Variants in TBC1D5 observed in about 807,000 individuals in gnomAD.
TBC1D5 encodes the protein TBC1 domain family, member 5.
A neutral mutation model predicts 100.3 loss-of-function variants in TBC1D5; 75 were observed. That is an observed-to-expected ratio of 0.75 (90% confidence interval 0.62 to 0.91). The LOEUF (loss-of-function observed/expected upper bound fraction) is 0.91, where lower values mean the gene tolerates loss of function less well. Among genes scored for constraint, TBC1D5 ranks in the 40% least tolerant of loss-of-function variants. The pLI, the probability that TBC1D5 is intolerant of heterozygous loss-of-function variation, is 0.00. For missense variants in TBC1D5, 910 were observed against 942.4 expected, an observed-to-expected ratio of 0.97 and a Z score of 0.45; for synonymous variants, 323 against 325.6, an observed-to-expected ratio of 0.99 and a Z score of 0.09.
chr3:17,511,668 AT>A (rs1334350796), intron 2 of TBC1D5, among the ~76,000 whole-genome samples: 1 of 152,046 alleles, frequency 6.6e-6, no homozygotes, highest in Non-Finnish European at 1.5e-5. Flanking sequence ...TCAAGAAGTC[AT>A]TTAGTTAATT....
At chr3:17,510,853 T>C (rs1471811018) in intron 2 of TBC1D5, among the ~76,000 whole-genome samples, 1 of 152,032 alleles carries the variant, frequency 6.6e-6, no homozygotes, top group Admixed American at 6.6e-5. Flanking sequence ...GTCAATTTTA[T>C]TTTCATTTTA....
At chr3:17,341,683 G>A (rs938509023) in intron 13 of TBC1D5, among the ~76,000 whole-genome samples, 1 of 152,080 alleles carries the variant, frequency 6.6e-6, no homozygotes, top group Admixed American at 6.5e-5. Context: ...TTTAAATATA[G>A]TAACACTTTT....
intron 8 of TBC1D5, among the ~76,000 whole-genome samples, chr3:17,386,490 A>T (rs1231439294): frequency 6.6e-6 from 1 of 152,120 alleles, no homozygotes; most frequent in Non-Finnish European, 1.5e-5. Context: ...GTTCAGCCTA[A>T]AGGTTTCTTT....
At chr3:17,445,124 C>T (rs2094756179) in intron 3 of TBC1D5, among the ~76,000 whole-genome samples, 1 of 152,168 alleles carries the variant, frequency 6.6e-6, no homozygotes, top group Admixed American at 6.5e-5. Flanking sequence ...GACCATATTT[C>T]ACATCTAGTT....
intron 15 of TBC1D5, 132 bp downstream of exon 15, chr3:17,291,763 T>C (rs2081768116): frequency 5.1e-6 from 4 of 782,816 alleles, no homozygotes; most frequent in Non-Finnish European, 4.0e-6. Context: ...CCTACAACTT[T>C]AGGCAAATGC....
chr3:17,723,054 A>C (rs1304669880), intron 1 of TBC1D5, among the ~76,000 whole-genome samples: 1 of 152,120 alleles, frequency 6.6e-6, no homozygotes, highest in African/African-American at 2.4e-5. Flanking sequence ...TTCAGTACAA[A>C]AAATAGTTCT....
chr3:17,392,389 T>C (rs2093377315), intron 8 of TBC1D5, among the ~76,000 whole-genome samples: 1 of 152,020 alleles, frequency 6.6e-6, no homozygotes. Flanking sequence ...ATTATACTTT[T>C]AAGTTCCGGG....
At chr3:17,562,252 T>A (rs528798627) in intron 2 of TBC1D5, 18 of 152,150 alleles carry the variant, frequency 1.2e-4, no homozygotes, top group African/African-American at 4.1e-4. Context: ...CCACAAATAG[T>A]ATTTATAATG....
intron 13 of TBC1D5, among the ~76,000 whole-genome samples, chr3:17,349,139 C>A (rs1036578953): frequency 6.6e-6 from 1 of 152,198 alleles, no homozygotes. Context: ...TCTATACATA[C>A]ATGAGGAATT....
chr3:17,525,580 T>A lies in TBC1D5; in HGVS notation c.-35-16975A>T, dbSNP rs563631701. 2.8e-3 allele frequency among the ~76,000 whole-genome samples: 426 copies of A among 152,264 alleles called. 3 individuals carry two copies. The highest frequency in any genetic ancestry group is 5.3e-3 in the Non-Finnish European group (358 of 68,024). On this transcript the variant is annotated intron_variant, in intron 2 of 21. Coordinates refer to ENST00000253692, the Ensembl canonical transcript of TBC1D5. ...TATTACATTACTTTATAAAGCTTACTACTGTTCAGAAAAAATCCATATTGG... is the reference window on the plus strand; with the variant it reads ...TATTACATTACTTTATAAAGCTTACAACTGTTCAGAAAAAATCCATATTGG...
intron 3 of TBC1D5, among the ~76,000 whole-genome samples, chr3:17,490,714 T>C (rs2095629787): frequency 1.3e-5 from 2 of 152,212 alleles, no homozygotes; most frequent in South Asian, 4.1e-4. Context: ...TTGGTTACTG[T>C]AGCTTTGTAG....
intron 2 of TBC1D5, among the ~76,000 whole-genome samples, chr3:17,538,248 A>G (rs1305611237): frequency 6.6e-6 from 1 of 152,100 alleles, no homozygotes; most frequent in Non-Finnish European, 1.5e-5. Flanking sequence ...CAGCGCCAGG[A>G]AAAGATAGTC....
At chr3:17,668,650 T>C (rs1229993601) in intron 1 of TBC1D5, among the ~76,000 whole-genome samples, 1 of 152,172 alleles carries the variant, frequency 6.6e-6, no homozygotes, top group Non-Finnish European at 1.5e-5. Flanking sequence ...CATAGGCCAC[T>C]TCCAGTGAGC....
At chr3:17,533,120 C>T (rs1464815940) in intron 2 of TBC1D5, among the ~76,000 whole-genome samples, 3 of 150,908 alleles carry the variant, frequency 2.0e-5, no homozygotes, top group Non-Finnish European at 4.4e-5. Flanking sequence ...CAATTAGTTA[C>T]CTAAACTATT....
chr3:17,690,768 C>G (rs2071033086), intron 1 of TBC1D5, among the ~76,000 whole-genome samples: 1 of 152,138 alleles, frequency 6.6e-6, no homozygotes. Context: ...GGAACAGTTT[C>G]ATCCGAAAAC....
intron 2 of TBC1D5, among the ~76,000 whole-genome samples, chr3:17,593,826 T>C (rs2060392057): frequency 5.3e-5 from 8 of 152,164 alleles, no homozygotes; most frequent in Admixed American, 5.2e-4. Flanking sequence ...CAACGCCAAC[T>C]AGGTGACAAT....
chr3:17,461,702 C>G (rs2149936874), intron 3 of TBC1D5, among the ~76,000 whole-genome samples: 1 of 152,128 alleles, frequency 6.6e-6, no homozygotes, highest in African/African-American at 2.4e-5. Context: ...TAATTCAAAT[C>G]TAAACTCCCT....
At position 17,203,158 on chromosome 3, in the gene TBC1D5, T is replaced by A. The variant is rs543968326; in HGVS notation, c.1752+11049A>T. Among the ~76,000 whole-genome samples the A allele has an allele frequency of 3.9e-5, 6 of 152,306 alleles. No individual in the cohort carries two copies. In the South Asian group the frequency reaches 1.0e-3, roughly 26 times the overall value. ...AGGCCTTGGAAGCCCACCCCTTGCA[T>A]GAGTGTTGTCTGGATGTCAGACATG... On this transcript the variant is annotated intron_variant, in intron 18 of 21. Transcript: ENST00000253692.
At chr3:17,729,310 G>A (rs1417443773) in intron 1 of TBC1D5, among the ~76,000 whole-genome samples, 3 of 148,950 alleles carry the variant, frequency 2.0e-5, no homozygotes, top group Non-Finnish European at 4.4e-5. Flanking sequence ...TATGCTTAGG[G>A]TACTATCAGT....
Sources: gnomAD v4.1 joint callset for allele counts (sites outside exome capture counted in the v4.1 genomes callset) on GRCh38, gnomAD v4.1.1 for gene constraint, MANE v1.5 for transcripts, NCBI Gene and HGNC (gene_info 2026-07-23, HGNC 2026-07-21) for gene names.